Variants in SEMA3A observed in about 807,000 individuals in gnomAD.
The protein encoded by SEMA3A is semaphorin-3A.
In SEMA3A, 29 loss-of-function variants were observed where a neutral mutation model predicts 97.9. The ratio of observed to expected loss-of-function variants is 0.30; its 90% CI spans 0.22 to 0.40. The LOEUF (loss-of-function observed/expected upper bound fraction) is 0.40, where lower values mean the gene tolerates loss of function less well. Among genes scored for constraint, SEMA3A ranks in the 10% least tolerant of loss-of-function variants. SEMA3A has a pLI of 1.00. For synonymous variants in SEMA3A, 321 were observed against 323.7 expected, an observed-to-expected ratio of 0.99 and a Z score of 0.09; for missense variants, 763 against 951.3, an observed-to-expected ratio of 0.80 and a Z score of 2.60.
chr7:84,093,473 C>A (rs926991299), intron 4 of SEMA3A, among the ~76,000 whole-genome samples: 3 of 151,798 alleles, frequency 2.0e-5, no homozygotes, highest in African/African-American at 7.3e-5. Flanking sequence ...TTTATTAAAG[C>A]AAATATCCAA....
At position 84,086,458 on chromosome 7, in the gene SEMA3A, T is replaced by TTA. The variant is rs200996530; in HGVS notation, c.453+24011_453+24012insTA. Among the ~76,000 whole-genome samples the TTA allele has an allele frequency of 4.4e-4, 51 of 116,580 alleles. 1 individual carries two copies. Among genetic ancestry groups the TTA allele is most frequent in the African/African-American group, 6.8e-4 (21 of 30,790 alleles). 76.5% of individuals were successfully genotyped at this position (116,580 alleles called of 152,430 possible). ...ATTTATATTTTATATATTATTATATTCATATATAATATGTATTATTATATT... is the reference window on the plus strand; with the variant it reads ...ATTTATATTTTATATATTATTATATTTACATATATAATATGTATTATTATATT... On this transcript the variant is annotated intron_variant, in intron 4 of 16. Transcript: ENST00000265362.
chr7:84,210,454 G>A (rs529682622), intron 3 of SEMA3A, among the ~76,000 whole-genome samples: 1 of 152,066 alleles, frequency 6.6e-6, no homozygotes, highest in African/African-American at 2.4e-5. Flanking sequence ...GTGTGTGAGT[G>A]CAGGAAATGG....
rs377089583 is a variant in SEMA3A at position 84,232,455 on chromosome 7, T to TCA, written c.-82-37789_-82-37788dup. Among the ~76,000 whole-genome samples the TCA allele has an allele frequency of 1.5e-3, 228 of 147,746 alleles. 1 individual carries two copies. Among genetic ancestry groups the TCA allele is most frequent in the African/African-American group, 4.3e-3 (171 of 39,912 alleles). ...CTCTCTCTCTCTCCCTCTCTCTCTG[T>TCA]CACACACACACACACATCAGTAAAG... On this transcript the variant is annotated intron_variant, in intron 3 of 3. Coordinates refer to the SEMA3A transcript ENST00000424555.
chr7:84,378,976 G>C (rs1246205353), intron 1 of SEMA3A, among the ~76,000 whole-genome samples: 2 of 151,594 alleles, frequency 1.3e-5, no homozygotes, highest in African/African-American at 2.4e-5. Flanking sequence ...GCCCAGGCTG[G>C]AGTGCAGTGG....
chr7:84,288,518 C>T lies in SEMA3A; in HGVS notation c.-83+18689G>A, dbSNP rs113772773. Among the ~76,000 whole-genome samples the T allele has an allele frequency of 9.9e-3, 1,505 of 152,030 alleles. 34 individuals carry two copies. The highest frequency in any genetic ancestry group is 0.035 in the African/African-American group (1,436 of 41,472). On this transcript the variant is annotated intron_variant, in intron 3 of 3. Transcript: ENST00000424555. ...TTCAAGACCAGCCTGGCCAACATGG[C>T]GAAATCCTGTCTGTACTAAAAACAC...
At chr7:84,095,388 T>TATATATATATATATATATATAG in intron 4 of SEMA3A, among the ~76,000 whole-genome samples, 1 of 93,832 alleles carries the variant, frequency 1.1e-5, no homozygotes, top group Non-Finnish European at 2.6e-5. Context: ...TATATATATA[T>TATATATATATATATATATATAG]TCCCATTGAA....
intron 3 of SEMA3A, among the ~76,000 whole-genome samples, chr7:84,266,265 G>A (rs1799998482): frequency 7.4e-6 from 1 of 134,680 alleles, no homozygotes; most frequent in East Asian, 2.4e-4. Flanking sequence ...AGGTTGCAGT[G>A]AGTCAAGATC....
At chr7:84,099,105 C>T (rs1794868882) in intron 4 of SEMA3A, among the ~76,000 whole-genome samples, 1 of 45,350 alleles carries the variant, frequency 2.2e-5, no homozygotes. Context: ...GAGTCTCGCT[C>T]TGTCGCCCAG....
chr7:83,977,728 G>A (rs1190593400), intron 14 of SEMA3A, among the ~76,000 whole-genome samples: 2 of 150,458 alleles, frequency 1.3e-5, no homozygotes, highest in Admixed American at 1.3e-4. Context: ...ATTAAGACTA[G>A]AAATTCTATT....
chr7:84,397,173 A>G (rs1443653493), intron 1 of SEMA3A, among the ~76,000 whole-genome samples: 1 of 151,966 alleles, frequency 6.6e-6, no homozygotes, highest in Non-Finnish European at 1.5e-5. Context: ...TATGCTTATG[A>G]TATCAAATAA....
rs1236146796 is a variant in SEMA3A at position 84,068,166 on chromosome 7, C to A, written c.454-7608G>T. 2.1e-5 allele frequency among the ~76,000 whole-genome samples: 3 copies of A among 139,858 alleles called. No homozygotes were observed. In the East Asian group the frequency reaches 6.1e-4, roughly 28 times the overall value. The allele number at this position is 139,858 out of a possible 152,430, so 91.8% of individuals were successfully genotyped here. A position where few individuals can be genotyped will look rare whatever the true frequency, so the allele number is the denominator to read the frequency against. ...GAAAACATCATTCTCAGTAAACTATCGCAAGAACAAAAAACCAAACACCGC... is the reference window on the plus strand; with the variant it reads ...GAAAACATCATTCTCAGTAAACTATAGCAAGAACAAAAAACCAAACACCGC... On this transcript the variant is annotated intron_variant, in intron 4 of 16. Coordinates refer to ENST00000265362, the MANE Select transcript of SEMA3A (RefSeq NM_006080.3).
At chr7:84,158,432 G>A (rs191940307) in intron 1 of SEMA3A, among the ~76,000 whole-genome samples, 7 of 152,130 alleles carry the variant, frequency 4.6e-5, no homozygotes, top group Non-Finnish European at 7.4e-5. Context: ...GATTATAGGC[G>A]TGAGCCACCA....
chr7:84,328,223 T>C (rs963287361), intron 2 of SEMA3A, among the ~76,000 whole-genome samples: 7 of 152,024 alleles, frequency 4.6e-5, no homozygotes, highest in African/African-American at 1.7e-4. Flanking sequence ...TCAGTTATTA[T>C]TTATGGCAGA....
At chr7:84,151,982 C>T (rs1230839516) in intron 1 of SEMA3A, among the ~76,000 whole-genome samples, 3 of 150,756 alleles carry the variant, frequency 2.0e-5, no homozygotes, top group Non-Finnish European at 3.0e-5. Flanking sequence ...CAAATCAAAA[C>T]CACAATGAGA....
At chr7:83,997,322 T>C (rs1790262295) in intron 12 of SEMA3A, among the ~76,000 whole-genome samples, 1 of 152,220 alleles carries the variant, frequency 6.6e-6, no homozygotes, top group African/African-American at 2.4e-5. Flanking sequence ...ATGGCTCGAA[T>C]AGAAACAAAG....
At chr7:84,450,343 CAGAAT>C (rs1805525100) in intron 1 of SEMA3A, among the ~76,000 whole-genome samples, 1 of 152,032 alleles carries the variant, frequency 6.6e-6, no homozygotes, top group Non-Finnish European at 1.5e-5. Context: ...AATTCTTGGG[CAGAAT>C]ATACCAAGAA....
chr7:84,159,567 G>C (rs946816021), intron 1 of SEMA3A, among the ~76,000 whole-genome samples: 2 of 152,090 alleles, frequency 1.3e-5, no homozygotes, highest in African/African-American at 4.8e-5. Context: ...TTACTTCCAA[G>C]AGAGCTAACA....
intron 1 of SEMA3A, among the ~76,000 whole-genome samples, chr7:84,411,968 A>G (rs1212961150): frequency 1.3e-5 from 2 of 152,062 alleles, no homozygotes; most frequent in African/African-American, 4.8e-5. Context: ...TCAAATGTGC[A>G]CTTATTTTAA....
chr7:84,282,054 A>G (rs2115746606), intron 3 of SEMA3A, among the ~76,000 whole-genome samples: 1 of 152,278 alleles, frequency 6.6e-6, no homozygotes, highest in Middle Eastern at 3.4e-3. Context: ...TAATATTCAG[A>G]ATCACCTGAG....
Sources: gnomAD v4.1 joint callset for allele counts (sites outside exome capture counted in the v4.1 genomes callset) on GRCh38, gnomAD v4.1.1 for gene constraint, MANE v1.5 for transcripts, NCBI Gene and HGNC (gene_info 2026-07-23, HGNC 2026-07-21) for gene names.